The following GCNT2 variants were observed in gnomAD, a reference collection of about 807,000 sequenced individuals.
GCNT2 encodes the protein glucosaminyl (N-acetyl) transferase 2 (I blood group).
A neutral mutation model predicts 34.2 loss-of-function variants in GCNT2; 34 were observed. That is an observed-to-expected ratio of 1.00 (90% CI 0.76 to 1.32). The LOEUF (loss-of-function observed/expected upper bound fraction) is 1.32, where lower values mean the gene tolerates loss of function less well. GCNT2 is among the 40% of genes most tolerant of loss of function. The pLI is 0.00. For missense variants in GCNT2, 584 were observed against 489.4 expected, an observed-to-expected ratio of 1.19 and a Z score of -1.82; for synonymous variants, 212 against 188.0, an observed-to-expected ratio of 1.13 and a Z score of -1.04.
intron 3 of GCNT2, among the ~76,000 whole-genome samples, chr6:10,535,994 C>G (rs1468685909): frequency 6.6e-6 from 1 of 152,176 alleles, no homozygotes; most frequent in Non-Finnish European, 1.5e-5. Context: ...AGAGTCCATA[C>G]TGGCCTTACT....
intron 3 of GCNT2, among the ~76,000 whole-genome samples, chr6:10,553,494 T>G (rs1271115394): frequency 2.0e-5 from 3 of 152,224 alleles, no homozygotes; most frequent in African/African-American, 7.2e-5. Context: ...CCCCTTTGAT[T>G]ATTATTTTTT....
chr6:10,528,973 TATTTGTTTACAATACTGAGTTA>T lies in GCNT2; in HGVS notation c.63_84del (p.Phe22GlyfsTer7). On this transcript the variant is annotated frameshift_variant, in exon 3 of 5. Transcript: ENST00000495262. LOFTEE classifies it high-confidence loss of function. ...TCTCTTATCTCTGCCCTGATTTTTGTATTTGTTTACAATACTGAGTTATGGGAGAATAAACGTTTTCTGAGGG... is the reference window on the plus strand; with the variant it reads ...TCTCTTATCTCTGCCCTGATTTTTGTTGGGAGAATAAACGTTTTCTGAGGG... The T allele has an allele frequency of 6.2e-7, 1 of 1,614,086 alleles. No homozygotes were observed. Among genetic ancestry groups the T allele is most frequent in the Non-Finnish European group, 8.5e-7 (1 of 1,179,922 alleles).
At position 10,562,674 on chromosome 6, in the gene GCNT2, A is replaced by AC. The variant is rs1424182252; in HGVS notation, c.925+32838_925+32839insC. Among the ~76,000 whole-genome samples the AC allele has an allele frequency of 1.5e-4, 22 of 150,296 alleles. No individual in the cohort carries two copies. In the East Asian group the frequency reaches 2.1e-3, roughly 15 times the overall value. On this transcript the variant is annotated intron_variant, in intron 3 of 4. Coordinates refer to ENST00000495262, the MANE Select transcript of GCNT2 (RefSeq NM_145649.5). ...CTTCTCTGAAAAAAAAAAAAAAAAA[A>AC]AAACAAAAAAAAACCCACAAAAACA...
At chr6:10,620,207 A>T (rs1581493506) in intron 3 of GCNT2, among the ~76,000 whole-genome samples, 1 of 152,184 alleles carries the variant, frequency 6.6e-6, no homozygotes, top group South Asian at 2.1e-4. Context: ...TGCCTACCAC[A>T]ATATATCTTA....
At chr6:10,591,396 C>G (rs78459745) in intron 3 of GCNT2, among the ~76,000 whole-genome samples, 16,749 of 152,224 alleles carry the variant, frequency 0.11, 1,107 homozygotes, top group Middle Eastern at 0.17. Context: ...GTAGGTAAAA[C>G]TCCACAATGG....
At chr6:10,615,761 G>A (rs1430621027) in intron 3 of GCNT2, among the ~76,000 whole-genome samples, 2 of 152,200 alleles carry the variant, frequency 1.3e-5, no homozygotes, top group African/African-American at 4.8e-5. Flanking sequence ...ATTTCTTGAA[G>A]ATACACTAAA....
At position 10,529,285 on chromosome 6, in the gene GCNT2, G is replaced by A; in HGVS notation, c.374G>A (p.Cys125Tyr). ...ATTTATATGCCCCAAAATGTCTACT[G>A]TGTGCACCTGGATCAGAAGGCGACG... Reference protein sequence around the residue: ...RAIYMPQNVYCVHLDQKATDA... With the variant: ...RAIYMPQNVYYVHLDQKATDA... The change falls in exon 3 of 5, where the codon TGT becomes TAT. Residue 125 changes from cysteine (C) to tyrosine (Y), a missense_variant. Coordinates refer to ENST00000495262, the MANE Select transcript of GCNT2 (RefSeq NM_145649.5). 1.2e-6 allele frequency: 2 copies of A among 1,614,148 alleles called. No individual in the cohort carries two copies. Among genetic ancestry groups the A allele is most frequent in the Non-Finnish European group, 1.7e-6 (2 of 1,180,018 alleles).
intron 4 of GCNT2, among the ~76,000 whole-genome samples, chr6:10,622,465 C>G (rs1302268248): frequency 6.6e-6 from 1 of 151,866 alleles, no homozygotes; most frequent in African/African-American, 2.4e-5. Context: ...ATCGCCTCTT[C>G]TTCTAAGGAG....
intron 3 of GCNT2, among the ~76,000 whole-genome samples, chr6:10,544,233 G>A (rs1483836445): frequency 6.6e-6 from 1 of 151,908 alleles, no homozygotes; most frequent in Non-Finnish European, 1.5e-5. Flanking sequence ...AGAATTGCAT[G>A]AACCCAGGAG....
chr6:10,605,813 C>G (rs1161137797), intron 3 of GCNT2, among the ~76,000 whole-genome samples: 1 of 152,100 alleles, frequency 6.6e-6, no homozygotes, highest in Non-Finnish European at 1.5e-5. Context: ...AAAAGAACTT[C>G]CTAAACTTGG....
intron 3 of GCNT2, among the ~76,000 whole-genome samples, chr6:10,609,869 G>A (rs1303976607): frequency 6.6e-6 from 1 of 150,646 alleles, no homozygotes. Context: ...AAGAGGTCTA[G>A]GATGAGACCA....
In GCNT2 at chr6:10,528,633, A is replaced by G. The variant is rs1303300983; in HGVS notation, c.-279A>G. 12 of 496,560 alleles carry G rather than the reference A, an allele frequency of 2.4e-5. No homozygotes were observed. The East Asian group carries it at 4.6e-4, about 19-fold the overall frequency. 30.8% of individuals were successfully genotyped at this position (496,560 alleles called of 1,614,324 possible). A position where few individuals can be genotyped will look rare whatever the true frequency, so the allele number is the denominator to read the frequency against. ...TGAGGACATCTGTTTTTGTGTAGAC[A>G]CAGGTTGCAGGTTAGCAGGAGAACA... On this transcript the variant is annotated splice_region_variant and 5_prime_UTR_variant, in exon 3 of 5. Coordinates refer to ENST00000495262, the MANE Select transcript of GCNT2 (RefSeq NM_145649.5).
chr6:10,539,459 A>G (rs112678075), intron 3 of GCNT2, among the ~76,000 whole-genome samples: 1,701 of 151,984 alleles, frequency 0.011, 37 homozygotes, highest in African/African-American at 0.038. Flanking sequence ...AAAGTGCTGG[A>G]ATTACAGACG....
At chr6:10,623,383 C>T (rs1415847437) in intron 4 of GCNT2, among the ~76,000 whole-genome samples, 1 of 151,786 alleles carries the variant, frequency 6.6e-6, no homozygotes, top group African/African-American at 2.4e-5. Flanking sequence ...CCTCCGTCTC[C>T]CGGGTTCAAG....
At chr6:10,566,564 G>A (rs1763292499) in intron 3 of GCNT2, among the ~76,000 whole-genome samples, 1 of 152,214 alleles carries the variant, frequency 6.6e-6, no homozygotes. Context: ...AAAGCGTTGG[G>A]ATTATAGGCA....
intron 3 of GCNT2, chr6:10,586,087 A>G (rs750791882): frequency 4.3e-6 from 7 of 1,614,096 alleles, no homozygotes; most frequent in Admixed American, 1.7e-5. Context: ...CCAAAAAGTT[A>G]TGAGAAGCTG....
At chr6:10,540,077 C>CA (rs200542165) in intron 3 of GCNT2, among the ~76,000 whole-genome samples, 21,320 of 140,356 alleles carry the variant, frequency 0.15, 1,996 homozygotes, top group South Asian at 0.29. Context: ...GACCCCATCT[C>CA]AAAAAAAAAG....
In GCNT2 at chr6:10,529,359, G is replaced by C. The variant is rs1359802049; in HGVS notation, c.448G>C (p.Ala150Pro). ...VKQLLSCFPN[A>P]FLASKKESVV... is the part of the protein sequence containing the mutation. ...ACAGTTACTCAGCTGCTTCCCAAAT[G>C]CTTTTCTGGCTTCCAAGAAGGAGTC... Residue 150 changes from alanine (A) to proline (P), a missense_variant, in exon 3 of 5, where the codon GCT becomes CCT. Ala to Pro is a conservative substitution (Grantham distance 27, BLOSUM62 -1). Coordinates refer to ENST00000495262, the MANE Select transcript of GCNT2 (RefSeq NM_145649.5). The C allele has an allele frequency of 6.2e-7, 1 of 1,613,970 alleles. No homozygotes were observed. The highest frequency in any genetic ancestry group is 8.5e-7 in the Non-Finnish European group (1 of 1,180,026).
chr6:10,580,425 T>C (rs905547219), intron 3 of GCNT2, among the ~76,000 whole-genome samples: 4 of 152,174 alleles, frequency 2.6e-5, no homozygotes, highest in African/African-American at 9.7e-5. Context: ...GGCATTTGAG[T>C]GCCTGAATCC....
Sources: gnomAD v4.1 joint callset for allele counts (sites outside exome capture counted in the v4.1 genomes callset) on GRCh38, gnomAD v4.1.1 for gene constraint, MANE v1.5 for transcripts, NCBI Gene and HGNC (gene_info 2026-07-23, HGNC 2026-07-21) for gene names.